The following ITSN2 variants were observed in gnomAD, a reference collection of about 807,000 sequenced individuals.
ITSN2 encodes the protein intersectin-2.
Under a neutral mutation model 243.7 loss-of-function variants are expected in ITSN2, and 156 were observed. The observed-to-expected ratio is 0.64, with a 90% CI of 0.56 to 0.73. ITSN2 has a LOEUF of 0.73. Ranked by LOEUF, ITSN2 falls within the 30% of genes least tolerant of loss-of-function variation. The pLI, the probability that ITSN2 is intolerant of heterozygous loss-of-function variation, is 0.00. For missense variants in ITSN2, 1,801 were observed against 1,996.1 expected (o/e 0.90, Z 1.86); for synonymous variants, 703 against 699.9 (o/e 1.00, Z -0.07).
In ITSN2 at chr2:24,261,748, G is replaced by A; in HGVS notation, c.2356-6C>T. The A allele has an allele frequency of 6.2e-7, 1 of 1,603,418 alleles. No homozygotes were observed. The highest frequency in any genetic ancestry group is 8.5e-7 in the Non-Finnish European group (1 of 1,173,332). ...CCTACGGTTTTTTCATCAACCTACG[G>A]AAATAAAAAGAAGGATTAACAGTGC... On this transcript the variant is annotated splice_region_variant and splice_polypyrimidine_tract_variant and intron_variant, in intron 20 of 39. Transcript: ENST00000355123.
rs767753085 is a variant in ITSN2, at chr2:24,203,683, G to A, written c.5037C>T (p.Thr1679=). 28 of 1,614,014 alleles carry A rather than the reference G, an allele frequency of 1.7e-5. No individual in the cohort carries two copies. Among genetic ancestry groups the A allele is most frequent in the Middle Eastern group, 1.6e-4 (1 of 6,084 alleles). Residue 1679 remains threonine, a synonymous_variant, in exon 40 of 40, where the codon ACC becomes ACT. Coordinates refer to ENST00000355123, the MANE Select transcript of ITSN2 (RefSeq NM_006277.3). ...TRRLLLHEVP[T]GEVWVRFDLQ... ...GGTCAAAACGGACCCAGACCTCCCCGGTGGGGACCTCATGCAGCAGCAGTC... is the reference window on the plus strand; with the variant it reads ...GGTCAAAACGGACCCAGACCTCCCCAGTGGGGACCTCATGCAGCAGCAGTC...
chr2:24,289,019 T>C (rs982149049), intron 15 of ITSN2, among the ~76,000 whole-genome samples: 1 of 152,242 alleles, frequency 6.6e-6, no homozygotes, highest in Non-Finnish European at 1.5e-5. Flanking sequence ...TTCTGATTAC[T>C]ATAGCTTCAT....
intron 13 of ITSN2, among the ~76,000 whole-genome samples, chr2:24,297,988 C>CT (rs760279389): frequency 0.018 from 2,514 of 143,172 alleles, 68 homozygotes; most frequent in African/African-American, 0.048. Context: ...TTACATTTTT[C>CT]TTTTTTTTTT....
intron 1 of ITSN2, chr2:24,330,302 G>A (rs1170129112): frequency 1.5e-5 from 6 of 396,978 alleles, no homozygotes; most frequent in Non-Finnish European, 1.9e-5. Flanking sequence ...AGAGAGCAAC[G>A]TGAAGAAGAA....
intron 1 of ITSN2, among the ~76,000 whole-genome samples, chr2:24,353,579 C>T (rs921149486): frequency 6.6e-6 from 1 of 152,166 alleles, no homozygotes; most frequent in African/African-American, 2.4e-5. Flanking sequence ...CAGAGCCAGA[C>T]CCTGTCTCAA....
intron 30 of ITSN2, among the ~76,000 whole-genome samples, chr2:24,219,326 A>T (rs2551186): frequency 0.13 from 20,244 of 152,266 alleles, 1,916 homozygotes; most frequent in African/African-American, 0.27. Flanking sequence ...TGAGTTGAAC[A>T]TGGATTCACA....
chr2:24,275,589 G>A (rs1362989549), intron 18 of ITSN2, 124 bp downstream of exon 18: 4 of 654,328 alleles, frequency 6.1e-6, no homozygotes, highest in Non-Finnish European at 9.5e-6. Context: ...CTGAACTTAT[G>A]AGATCCAGAA....
At chr2:24,328,220 C>T in intron 1 of ITSN2, 105 bp from the exon 2 acceptor site, 1 of 730,378 alleles carries the variant, frequency 1.4e-6, no homozygotes, top group East Asian at 2.6e-5. Flanking sequence ...GCTCACACTT[C>T]CAACAGAAAA....
intron 15 of ITSN2, among the ~76,000 whole-genome samples, chr2:24,290,043 C>T (rs1028763605): frequency 3.3e-5 from 5 of 152,106 alleles, no homozygotes; most frequent in South Asian, 4.2e-4. Context: ...TAAACCTTGT[C>T]AAATACTCGT....
chr2:24,272,574 G>A (rs1007137082), intron 18 of ITSN2, among the ~76,000 whole-genome samples: 1 of 151,872 alleles, frequency 6.6e-6, no homozygotes, highest in Non-Finnish European at 1.5e-5. Context: ...TAGCACTACA[G>A]GCACATGCCA....
Position 24,313,609 on chromosome 2 carries a change from A to G in ITSN2, c.125-86T>C. 4 of 821,308 alleles carry G rather than the reference A, an allele frequency of 4.9e-6. 1 individual carries two copies. The highest frequency in any genetic ancestry group is 5.8e-6 in the Non-Finnish European group (3 of 519,552). 50.9% of individuals were successfully genotyped at this position (821,308 alleles called of 1,614,324 possible). ...TCTGAATAATAATGGGTATATGTTAATGATTTATTATAATTTTAATACCAA... is the reference window on the plus strand; with the variant it reads ...TCTGAATAATAATGGGTATATGTTAGTGATTTATTATAATTTTAATACCAA... On this transcript the variant is annotated intron_variant, in intron 3 of 39. Transcript: ENST00000355123.
rs1264288115 is a variant in ITSN2 at position 24,235,333 on chromosome 2, G to A, written c.3577+10796C>T. Among the ~76,000 whole-genome samples the A allele has an allele frequency of 2.0e-5, 3 of 152,284 alleles. No individual in the cohort carries two copies. The East Asian group carries it at 5.8e-4, about 29-fold the overall frequency. On this transcript the variant is annotated intron_variant, in intron 29 of 39. Coordinates refer to ENST00000355123, the MANE Select transcript of ITSN2 (RefSeq NM_006277.3). ...AGTGGTTGCCAGGGGATGGGAGGGA[G>A]GGAGAGCTGAACAGGTAGAGCACAG... is the stretch of plus-strand genomic sequence containing the variant.
intron 36 of ITSN2, 38 bp from the exon 37 acceptor site, chr2:24,208,357 A>G (rs1669129275): frequency 2.6e-6 from 4 of 1,512,900 alleles, no homozygotes; most frequent in Non-Finnish European, 3.7e-6. Context: ...GCCGCATCCC[A>G]CCCTCACAGG....
At chr2:24,217,404 A>G (rs2151131391) in intron 31 of ITSN2, among the ~76,000 whole-genome samples, 1 of 152,364 alleles carries the variant, frequency 6.6e-6, no homozygotes, top group East Asian at 1.9e-4. Context: ...AGGGAGCAGG[A>G]GCTGCAGGGG....
chr2:24,205,517 G>A, intron 37 of ITSN2: 3 of 493,320 alleles, frequency 6.1e-6, no homozygotes, highest in Non-Finnish European at 1.1e-5. Flanking sequence ...CTGCCCGTCA[G>A]CATCCTACTC....
At chr2:24,309,960 A>G (rs1482425991) in intron 7 of ITSN2, among the ~76,000 whole-genome samples, 3 of 152,230 alleles carry the variant, frequency 2.0e-5, no homozygotes, top group East Asian at 3.8e-4. Flanking sequence ...TTAACAATGT[A>G]CAATGAGTAT....
intron 8 of ITSN2, among the ~76,000 whole-genome samples, chr2:24,305,637 ACATATAAGTC>A (rs1682436531): frequency 6.6e-6 from 1 of 151,876 alleles, no homozygotes; most frequent in South Asian, 2.1e-4. Flanking sequence ...AACAAAACAA[ACATATAAGTC>A]CAGGTTAGCC....
At chr2:24,209,360 CAGAACAAATGAAACCTCCATTTGTA>C in intron 35 of ITSN2, 139 bp from the exon 36 acceptor site, 1 of 895,538 alleles carries the variant, frequency 1.1e-6, no homozygotes, top group Non-Finnish European at 1.7e-6. Context: ...GTCTTCTACA[CAGAACAAATGAAACCTCCATTTGTA>C]AGAACAATGA....
chr2:24,299,284 A>G (rs368611748), intron 12 of ITSN2, among the ~76,000 whole-genome samples: 33 of 152,150 alleles, frequency 2.2e-4, no homozygotes, highest in African/African-American at 7.0e-4. Context: ...TTTTCTCTTA[A>G]TAAGTTACAG....
Sources: gnomAD v4.1 joint callset for allele counts (sites outside exome capture counted in the v4.1 genomes callset) on GRCh38, gnomAD v4.1.1 for gene constraint, MANE v1.5 for transcripts, NCBI Gene and HGNC (gene_info 2026-07-23, HGNC 2026-07-21) for gene names.